The following FARS2 variants were observed in gnomAD, a reference collection of about 807,000 sequenced individuals.
FARS2 encodes phenylalanine--tRNA ligase, mitochondrial.
A neutral mutation model predicts 46.4 loss-of-function variants in FARS2; 40 were observed. The observed-to-expected ratio is 0.86, with a 90% CI of 0.67 to 1.12. FARS2 has a LOEUF of 1.12. Among genes scored for constraint, FARS2 ranks in the 50% most tolerant of loss-of-function variants. The probability of loss-of-function intolerance (pLI) is 0.00; values close to 1 mark genes in which losing one functional copy is unlikely to be tolerated. For synonymous variants in FARS2, 234 were observed against 214.9 expected (o/e 1.09, Z -0.78); for missense variants, 513 against 567.9 (o/e 0.90, Z 0.98).
chr6:5,686,021 G>A (rs980389949), intron 6 of FARS2, among the ~76,000 whole-genome samples: 11 of 152,182 alleles, frequency 7.2e-5, no homozygotes, highest in African/African-American at 2.2e-4. Flanking sequence ...AAATGATGCC[G>A]GAGCTGAATT....
chr6:5,451,933 G>A (rs1764518632), intron 4 of FARS2: 1 of 152,050 alleles, frequency 6.6e-6, no homozygotes, highest in Non-Finnish European at 1.5e-5. Flanking sequence ...TGATTTTTTG[G>A]AAACACCTAT....
chr6:5,383,159 T>A (rs1295573990), intron 2 of FARS2, among the ~76,000 whole-genome samples: 2 of 152,240 alleles, frequency 1.3e-5, no homozygotes, highest in East Asian at 3.8e-4. Context: ...ATCTTCATGG[T>A]GAAACACTGA....
chr6:5,599,367 C>T (rs1164537808), intron 5 of FARS2, among the ~76,000 whole-genome samples: 19 of 152,180 alleles, frequency 1.2e-4, no homozygotes, highest in Admixed American at 1.0e-3. Flanking sequence ...AAGATCTACA[C>T]AGATGGGCAA....
At chr6:5,693,098 T>C (rs376907833) in intron 6 of FARS2, among the ~76,000 whole-genome samples, 3 of 152,366 alleles carry the variant, frequency 2.0e-5, no homozygotes, top group South Asian at 2.1e-4. Context: ...TATTGTACTC[T>C]TCTGGCATAG....
intron 3 of FARS2, among the ~76,000 whole-genome samples, chr6:5,419,678 C>T (rs536734557): frequency 1.3e-5 from 2 of 152,206 alleles, no homozygotes; most frequent in African/African-American, 4.8e-5. Context: ...TGGCTTGGAT[C>T]CCTAATCTTA....
intron 3 of FARS2, among the ~76,000 whole-genome samples, chr6:5,409,346 G>C (rs1761799893): frequency 6.6e-6 from 1 of 152,100 alleles, no homozygotes; most frequent in African/African-American, 2.4e-5. Context: ...GGCTACTCAG[G>C]AGGCTGAGGC....
At chr6:5,722,155 C>T (rs565124352) in intron 6 of FARS2, among the ~76,000 whole-genome samples, 1 of 152,292 alleles carries the variant, frequency 6.6e-6, no homozygotes, top group African/African-American at 2.4e-5. Flanking sequence ...GGTGCCACTA[C>T]CTTGATCCCA....
At chr6:5,292,015 G>A (rs1767540298) in intron 1 of FARS2, among the ~76,000 whole-genome samples, 1 of 152,148 alleles carries the variant, frequency 6.6e-6, no homozygotes, top group African/African-American at 2.4e-5. Context: ...GGTCAGAAAG[G>A]AGGGTTGGTT....
intron 6 of FARS2, among the ~76,000 whole-genome samples, chr6:5,660,470 A>AC (rs1777797464): frequency 6.6e-6 from 1 of 151,818 alleles, no homozygotes; most frequent in Non-Finnish European, 1.5e-5. Context: ...ATATAGTGAG[A>AC]CCCCCATCTC....
intron 4 of FARS2, among the ~76,000 whole-genome samples, chr6:5,445,215 T>C (rs2127796361): frequency 6.6e-6 from 1 of 152,038 alleles, no homozygotes; most frequent in East Asian, 1.9e-4. Flanking sequence ...AAAAAGAGGA[T>C]GCTCATATAA....
rs1378275270 is a variant in FARS2 at position 5,764,313 on chromosome 6, C to A, written c.1218-6978C>A. Among the ~76,000 whole-genome samples, 1 of 152,126 alleles carries A rather than the reference C, an allele frequency of 6.6e-6. No individual in the cohort carries two copies. The highest frequency in any genetic ancestry group is 1.5e-5 in the Non-Finnish European group (1 of 68,002). ...GGTTCTCCACTCCACCATGCCCATT[C>A]ACTTCTATATTTTCAGGAGAGGCCA... On this transcript the variant is annotated intron_variant, in intron 6 of 6. Coordinates refer to ENST00000274680, the MANE Select transcript of FARS2 (RefSeq NM_006567.5). The surrounding 1 kb of genome is among the most constrained non-coding windows in gnomAD (Gnocchi z 4.1).
intron 6 of FARS2, among the ~76,000 whole-genome samples, chr6:5,670,217 G>C (rs1265067673): frequency 2.0e-5 from 3 of 152,154 alleles, no homozygotes; most frequent in Non-Finnish European, 4.4e-5. Context: ...GTTGGCTAGA[G>C]TTGCTTTGGT....
intron 4 of FARS2, among the ~76,000 whole-genome samples, chr6:5,488,558 A>G (rs1766913035): frequency 6.6e-6 from 1 of 152,074 alleles, no homozygotes; most frequent in Admixed American, 6.5e-5. Context: ...ATTTTACAGT[A>G]CAGTGCTGAA....
chr6:5,492,759 T>C (rs1232610845), intron 4 of FARS2, among the ~76,000 whole-genome samples: 3 of 152,230 alleles, frequency 2.0e-5, no homozygotes, highest in African/African-American at 7.2e-5. Flanking sequence ...GGAGTCCCAG[T>C]TGCAGAGGCT....
At chr6:5,420,949 C>T (rs556533282) in intron 3 of FARS2, among the ~76,000 whole-genome samples, 215 of 77,280 alleles carry the variant, frequency 2.8e-3, no homozygotes, top group South Asian at 6.2e-3. Context: ...GTCTGGAGGA[C>T]GGCGTCCTTC....
chr6:5,520,958 G>A (rs1582339690), intron 4 of FARS2, among the ~76,000 whole-genome samples: 1 of 152,118 alleles, frequency 6.6e-6, no homozygotes, highest in Non-Finnish European at 1.5e-5. Flanking sequence ...ATCAGGGTAG[G>A]CTTCTTTTGA....
intron 6 of FARS2, among the ~76,000 whole-genome samples, chr6:5,684,456 G>A (rs1202944833): frequency 2.0e-5 from 3 of 152,180 alleles, no homozygotes; most frequent in Non-Finnish European, 4.4e-5. Context: ...ATTCTCTGAG[G>A]ATTTCTGCCA....
At chr6:5,580,464 A>G (rs1196673316) in intron 5 of FARS2, among the ~76,000 whole-genome samples, 2 of 152,120 alleles carry the variant, frequency 1.3e-5, no homozygotes, top group African/African-American at 2.4e-5. Context: ...GTCAACCAGA[A>G]AAACAACCAC....
At chr6:5,276,799 G>A (rs1766368573) in intron 1 of FARS2, among the ~76,000 whole-genome samples, 1 of 152,198 alleles carries the variant, frequency 6.6e-6, no homozygotes, top group Non-Finnish European at 1.5e-5. Context: ...CGGGCATCCA[G>A]GAGGAGGGCA....
Sources: allele counts gnomAD v4.1 joint callset (sites outside exome capture counted in the v4.1 genomes callset), GRCh38; gene constraint gnomAD v4.1.1; non-coding constraint Gnocchi (gnomAD v3.1); transcripts MANE v1.5; gene names NCBI Gene and HGNC (gene_info 2026-07-23, HGNC 2026-07-21).